Variants in IL3RA observed in about 807,000 individuals in gnomAD.
IL3RA encodes interleukin 3 receptor subunit alpha.
Under a neutral mutation model 52.3 loss-of-function variants are expected in IL3RA, and 73 were observed. The observed-to-expected ratio is 1.40, with a 90% confidence interval of 1.16 to 1.70. The LOEUF is 1.70. Ranked by LOEUF, IL3RA falls within the 40% of genes most tolerant of loss-of-function variation. The pLI is 0.00. For missense variants in IL3RA, 664 were observed against 504.4 expected (o/e 1.32, Z -3.03); for synonymous variants, 260 against 194.0 (o/e 1.34, Z -2.83).
At chrX:1,348,592 T>G in intron 4 of IL3RA, 47 bp downstream of exon 4, 1 of 1,336,928 alleles carries the variant, frequency 7.5e-7, no homozygotes, top group Non-Finnish European at 1.1e-6. Context: ...CCCTCCCTCC[T>G]TCCCTCTCTC....
rs1467805443 is a variant in IL3RA at position 1,358,632 on chromosome X, CT to C, written c.733-228del. Among the ~76,000 whole-genome samples, 18 of 152,304 alleles carry C rather than the reference CT, an allele frequency of 1.2e-4. No homozygotes were observed. The East Asian group carries it at 1.7e-3, about 15-fold the overall frequency. On this transcript the variant is annotated intron_variant, in intron 7 of 11. Transcript: ENST00000331035. ...CGAGATCACGCCACTGCATTCCAGC[CT>C]GGGTGACGGAGTGAGACTCCGTCTC...
intron 9 of IL3RA, among the ~76,000 whole-genome samples, chrX:1,377,879 AAAAAAAAG>A (rs1295528817): frequency 2.9e-4 from 40 of 138,286 alleles, no homozygotes; most frequent in African/African-American, 1.4e-3. Context: ...TCTCAAAAAA[AAAAAAAAG>A]AAAAAAGAAA....
At chrX:1,352,549 T>C in intron 6 of IL3RA, 43 bp downstream of exon 6, 1 of 1,589,554 alleles carries the variant, frequency 6.3e-7, no homozygotes, top group African/African-American at 1.3e-5. Context: ...AGTTCTGTGA[T>C]ACCACGGCTT....
chrX:1,356,771 CAA>C (rs749215619), intron 7 of IL3RA, among the ~76,000 whole-genome samples: 4 of 122,228 alleles, frequency 3.3e-5, no homozygotes, highest in Non-Finnish European at 3.5e-5. Context: ...GACTCCGTCT[CAA>C]AAAAAAAAAA....
intron 9 of IL3RA, among the ~76,000 whole-genome samples, chrX:1,367,491 A>C (rs1294394246): frequency 4.9e-5 from 2 of 40,524 alleles, no homozygotes; most frequent in Admixed American, 2.6e-4. Context: ...GCGCGGGGTG[A>C]GCCGGGTGCG....
At chrX:1,377,572 G>T (rs1222521063) in intron 9 of IL3RA, among the ~76,000 whole-genome samples, 1 of 148,630 alleles carries the variant, frequency 6.7e-6, no homozygotes, top group Non-Finnish European at 1.5e-5. Flanking sequence ...CCACCAAGCT[G>T]TGGGACTTTT....
intron 2 of IL3RA, among the ~76,000 whole-genome samples, chrX:1,342,743 T>C (rs2085540638): frequency 6.6e-6 from 1 of 151,138 alleles, no homozygotes; most frequent in Non-Finnish European, 1.5e-5. Flanking sequence ...CTGTTTTTAC[T>C]AGAGACGGGG....
chrX:1,378,679 G>A lies in IL3RA; in HGVS notation c.895G>A (p.Ala299Thr), dbSNP rs781175493. 177 of 1,612,458 alleles carry A rather than the reference G, an allele frequency of 1.1e-4. 2 individuals carry two copies. The South Asian group carries it at 1.6e-3, about 15-fold the overall frequency. ...QRFECDQEEG[A>T]NTRAWRTSLL... The stretch of plus-strand genomic sequence containing the variant: ...CCTAGAGTGCGACCAGGAGGAGGGC[G>A]CAAACACACGTGCCTGGCGGACGTC... The change falls in exon 10 of 12, where the codon GCA becomes ACA. Residue 299 changes from alanine (A) to threonine (T), a missense_variant. By Grantham distance (58) the Ala-to-Thr change is moderately conservative (BLOSUM62 0). Coordinates refer to ENST00000331035, the MANE Select transcript of IL3RA (RefSeq NM_002183.4).
intron 8 of IL3RA, 129 bp from the exon 9 acceptor site, chrX:1,365,009 A>G (rs1395080751): frequency 2.0e-5 from 12 of 610,280 alleles, no homozygotes; most frequent in Non-Finnish European, 3.0e-5. Context: ...GGGTTTCACC[A>G]TGTTGGCCAG....
chrX:1,348,626 CTTTT>C (rs1163307070), intron 4 of IL3RA, 81 bp downstream of exon 4: 3 of 852,860 alleles, frequency 3.5e-6, no homozygotes, highest in East Asian at 2.6e-5. Context: ...TTCGCTGTGT[CTTTT>C]TTCTTTTCTT....
intron 9 of IL3RA, among the ~76,000 whole-genome samples, chrX:1,368,341 T>C (rs1465950710): frequency 6.6e-6 from 1 of 151,934 alleles, no homozygotes; most frequent in Non-Finnish European, 1.5e-5. Context: ...TCCCAGCACT[T>C]TGGGAGGCTG....
chrX:1,337,783 G>A (rs764257581), intron 1 of IL3RA, among the ~76,000 whole-genome samples: 14 of 144,276 alleles, frequency 9.7e-5, no homozygotes, highest in African/African-American at 3.7e-4. Flanking sequence ...TAAATATAAT[G>A]TGGTCCAGCC....
intron 8 of IL3RA, among the ~76,000 whole-genome samples, chrX:1,364,615 C>T (rs2087762413): frequency 6.6e-6 from 1 of 151,384 alleles, no homozygotes; most frequent in African/African-American, 2.4e-5. Flanking sequence ...GGACCAAAGA[C>T]ATGTGTCACC....
chrX:1,347,406 C>T (rs754188435), intron 3 of IL3RA, among the ~76,000 whole-genome samples: 1 of 151,470 alleles, frequency 6.6e-6, no homozygotes, highest in African/African-American at 2.4e-5. Context: ...GATCGCGCCA[C>T]TGCACTCCAG....
chrX:1,352,242 C>G lies in IL3RA; in HGVS notation c.431+10C>G. ...ACTTGAACGTTGCCAAGTAGGTGTGCCCGTGGGCAGAGGCCGGGCTGTCCC... is the reference window on the plus strand; with the variant it reads ...ACTTGAACGTTGCCAAGTAGGTGTGGCCGTGGGCAGAGGCCGGGCTGTCCC... On this transcript the variant is annotated intron_variant, in intron 5 of 11. Transcript: ENST00000331035. The G allele has an allele frequency of 1.2e-6, 2 of 1,613,454 alleles. No homozygotes were observed. Among genetic ancestry groups the G allele is most frequent in the Non-Finnish European group, 8.5e-7 (1 of 1,179,614 alleles).
intron 8 of IL3RA, among the ~76,000 whole-genome samples, chrX:1,359,250 C>G (rs760054742): frequency 3.1e-4 from 47 of 152,052 alleles, no homozygotes; most frequent in Admixed American, 2.9e-3. Context: ...CCAGGCAGCC[C>G]CAGTCCAGCA....
At chrX:1,373,507 T>G (rs2088590748) in intron 9 of IL3RA, among the ~76,000 whole-genome samples, 1 of 27,552 alleles carries the variant, frequency 3.6e-5, no homozygotes, top group Non-Finnish European at 5.9e-5. Context: ...CCGCCCAGCC[T>G]CTGGTATTCT....
In IL3RA at chrX:1,356,242, T is replaced by A. The variant is rs764556031; in HGVS notation, c.638T>A (p.Met213Lys). The change falls in exon 7 of 12, where the codon ATG becomes AAG. Residue 213 changes from methionine to lysine, a missense_variant. Transcript: ENST00000331035. ...SQIEILTPPN[M>K]TAKCNKTHSF... ...CTAGAGATATTAACTCCACCCAACA[T>A]GACTGCAAAGTGTAATAAGACACAT... 1 of 1,612,308 alleles carries A rather than the reference T, an allele frequency of 6.2e-7. No individual in the cohort carries two copies.
Position 1,341,781 on chromosome X carries a change from C to G in IL3RA, c.16C>G (p.Leu6Val). 6.2e-7 allele frequency: 1 copy of G among 1,613,952 alleles called. No individual in the cohort carries two copies. Residue 6 changes from leucine to valine, a missense_variant, in exon 2 of 12, where the codon CTC becomes GTC. Leu to Val is a conservative substitution (Grantham distance 32). Transcript: ENST00000331035. Reference sequence around the variant, plus strand: ...TGCGTTCCCGATGGTCCTCCTTTGGCTCACGCTGCTCCTGATCGCCCTGCC... The same window carrying G: ...TGCGTTCCCGATGGTCCTCCTTTGGGTCACGCTGCTCCTGATCGCCCTGCC... MVLLWLTLLLIALPCL... is the reference protein window; with the variant it reads MVLLWVTLLLIALPCL...
Sources: allele counts gnomAD v4.1 joint callset (sites outside exome capture counted in the v4.1 genomes callset), GRCh38; gene constraint gnomAD v4.1.1; transcripts MANE v1.5; gene names NCBI Gene and HGNC (gene_info 2026-07-23, HGNC 2026-07-21).